The following RASSF3 variants were observed in gnomAD, a reference collection of about 807,000 sequenced individuals.
RASSF3 encodes the protein Ras association domain family member 3, also known as ras association domain-containing protein 3.
A neutral mutation model predicts 19.9 loss-of-function variants in RASSF3; 19 were observed. That is an observed-to-expected ratio of 0.96 (90% CI 0.67 to 1.40). RASSF3 has a LOEUF of 1.40. RASSF3 is among the 40% of genes most tolerant of loss of function. The probability of loss-of-function intolerance (pLI) is 0.00; values close to 1 mark genes in which losing one functional copy is unlikely to be tolerated. For missense variants in RASSF3, 306 were observed against 289.8 expected, an observed-to-expected ratio of 1.06 and a Z score of -0.41; for synonymous variants, 110 against 104.2, an observed-to-expected ratio of 1.06 and a Z score of -0.34.
chr12:64,574,737 T>C (rs987406118), intron 2 of RASSF3, among the ~76,000 whole-genome samples: 23 of 152,370 alleles, frequency 1.5e-4, no homozygotes, highest in African/African-American at 5.3e-4. Flanking sequence ...CAGTCAAGCC[T>C]AGCTGAGAAC....
At chr12:64,678,245 C>T (rs1370094524) in intron 1 of RASSF3, among the ~76,000 whole-genome samples, 1 of 152,212 alleles carries the variant, frequency 6.6e-6, no homozygotes, top group Non-Finnish European at 1.5e-5. Flanking sequence ...TAGGCTAGAA[C>T]CTGTTCTGTC....
chr12:64,662,996 A>T (rs146141812), intron 1 of RASSF3, among the ~76,000 whole-genome samples: 1 of 152,338 alleles, frequency 6.6e-6, no homozygotes, highest in African/African-American at 2.4e-5. Flanking sequence ...AGCTATTAAC[A>T]TATATAATGT....
intron 2 of RASSF3, among the ~76,000 whole-genome samples, chr12:64,581,605 G>C (rs1006097602): frequency 6.6e-6 from 1 of 152,056 alleles, no homozygotes; most frequent in African/African-American, 2.4e-5. Context: ...TGCGGTTCCA[G>C]CTACTAGGGA....
intron 1 of RASSF3, among the ~76,000 whole-genome samples, chr12:64,623,130 A>C (rs1369965292): frequency 1.3e-5 from 2 of 152,012 alleles, no homozygotes; most frequent in Non-Finnish European, 2.9e-5. Flanking sequence ...CACCGTGAAA[A>C]TTTTCTACAA....
chr12:64,621,445 T>TA (rs1870759056), intron 1 of RASSF3, among the ~76,000 whole-genome samples: 2 of 152,150 alleles, frequency 1.3e-5, no homozygotes, highest in African/African-American at 2.4e-5. Flanking sequence ...TTTTTTGACT[T>TA]ACACTGTTTG....
intron 1 of RASSF3, among the ~76,000 whole-genome samples, chr12:64,650,410 T>C (rs1871904612): frequency 1.1e-5 from 1 of 88,220 alleles, no homozygotes; most frequent in Non-Finnish European, 2.2e-5. Flanking sequence ...TTTTTTTCCT[T>C]TTTTTTTTTT....
intron 2 of RASSF3, among the ~76,000 whole-genome samples, chr12:64,600,118 A>G (rs1468049806): frequency 6.6e-6 from 1 of 150,992 alleles, no homozygotes; most frequent in Non-Finnish European, 1.5e-5. Flanking sequence ...TTTTTTCCTT[A>G]TCTGAGGGGT....
At chr12:64,647,882 A>G (rs1263526394) in intron 1 of RASSF3, among the ~76,000 whole-genome samples, 4 of 152,142 alleles carry the variant, frequency 2.6e-5, no homozygotes, top group Admixed American at 2.0e-4. Context: ...TTTGAGGCTT[A>G]TAAAATAGAA....
intron 2 of RASSF3, among the ~76,000 whole-genome samples, chr12:64,554,955 T>C (rs901772144): frequency 6.6e-6 from 1 of 151,938 alleles, no homozygotes; most frequent in East Asian, 1.9e-4. Flanking sequence ...TGAAAAAAAA[T>C]TTTTTAGGCC....
intron 1 of RASSF3, among the ~76,000 whole-genome samples, chr12:64,645,060 A>G (rs1363720913): frequency 6.6e-6 from 1 of 152,070 alleles, no homozygotes; most frequent in Non-Finnish European, 1.5e-5. Context: ...GGACTTTCTT[A>G]TGGATTAAGG....
chr12:64,578,203 A>G (rs530236798), intron 2 of RASSF3, among the ~76,000 whole-genome samples: 7 of 152,242 alleles, frequency 4.6e-5, no homozygotes, highest in Non-Finnish European at 8.8e-5. Context: ...AGCCTGGGCA[A>G]CAGAGTGAGA....
At chr12:64,564,811 C>A (rs1383593571) in intron 2 of RASSF3, among the ~76,000 whole-genome samples, 1 of 148,448 alleles carries the variant, frequency 6.7e-6, no homozygotes, top group African/African-American at 2.5e-5. Flanking sequence ...GAGGGAGTCT[C>A]GCTCTGTTGC....
At chr12:64,517,229 G>T (rs2136101361) in intron 1 of RASSF3, among the ~76,000 whole-genome samples, 1 of 151,734 alleles carries the variant, frequency 6.6e-6, no homozygotes. Context: ...TTCATCTTAG[G>T]AACATAAAAT....
chr12:64,559,646 T>C (rs1869316428), intron 2 of RASSF3, among the ~76,000 whole-genome samples: 1 of 152,182 alleles, frequency 6.6e-6, no homozygotes, highest in South Asian at 2.1e-4. Flanking sequence ...TTTCCACTTT[T>C]CTCAGCATGG....
chr12:64,610,573 A>G lies in RASSF3; in HGVS notation c.-60A>G. 2 of 941,702 alleles carry G rather than the reference A, an allele frequency of 2.1e-6. No homozygotes were observed. Among genetic ancestry groups the G allele is most frequent in the Non-Finnish European group, 2.8e-6 (2 of 706,884 alleles). 58.3% of individuals were successfully genotyped at this position (941,702 alleles called of 1,614,324 possible). ...ACCTCGCGGGGCTGGCGGGCGCCGC[A>G]CCCCCTCCCTGGCCGCCTGCGCCCC... On this transcript the variant is annotated 5_prime_UTR_variant, in exon 1 of 5. Transcript: ENST00000542104.
Position 64,564,388 on chromosome 12 carries a change from C to CTT in RASSF3, c.294+22693_294+22694dup, listed in dbSNP as rs34096060. The stretch of plus-strand genomic sequence containing the variant: ...TCTCCCTAACACATTTCTTTTCTTT[C>CTT]TTTTTTTTTTTGAAATAGAGTTTCA... On this transcript the variant is annotated intron_variant, in intron 2 of 5. Coordinates refer to the RASSF3 transcript ENST00000637125. 2.0e-3 allele frequency among the ~76,000 whole-genome samples: 301 copies of CTT among 148,624 alleles called. 1 individual carries two copies. Among genetic ancestry groups the CTT allele is most frequent in the Non-Finnish European group, 3.1e-3 (211 of 67,094 alleles).
Position 64,665,024 on chromosome 12 carries a change from G to T in RASSF3, c.112-19763G>T, listed in dbSNP as rs566963959. 3.9e-5 allele frequency among the ~76,000 whole-genome samples: 6 copies of T among 152,248 alleles called. No homozygotes were observed. In the South Asian group the frequency reaches 1.2e-3, roughly 32 times the overall value. On this transcript the variant is annotated intron_variant, in intron 1 of 4. Coordinates refer to ENST00000542104, the MANE Select transcript of RASSF3 (RefSeq NM_178169.4). ...GTCTCTGTTGAAAAATATTAGAATT[G>T]TACCCTTCCACCTCTAAAAAGTCAG...
chr12:64,653,787 A>G (rs1217960612), intron 1 of RASSF3, among the ~76,000 whole-genome samples: 2 of 152,096 alleles, frequency 1.3e-5, no homozygotes, highest in East Asian at 1.9e-4. Context: ...GGCCTTAGCA[A>G]TTCTCCTGCC....
At chr12:64,596,724 A>G (rs1870003836) in intron 2 of RASSF3, among the ~76,000 whole-genome samples, 1 of 151,982 alleles carries the variant, frequency 6.6e-6, no homozygotes, top group Non-Finnish European at 1.5e-5. Flanking sequence ...TTAACTCTTC[A>G]GTATATATAT....
Sources: gnomAD v4.1 joint callset for allele counts (sites outside exome capture counted in the v4.1 genomes callset) on GRCh38, gnomAD v4.1.1 for gene constraint, MANE v1.5 for transcripts, NCBI Gene and HGNC (gene_info 2026-07-23, HGNC 2026-07-21) for gene names.